ZNF140: variants seen among roughly 807,000 people sequenced by gnomAD.
ZNF140 encodes the protein zinc finger protein 140.
ZNF140 carries 13 observed loss-of-function variants against 12.9 expected under a neutral mutation model. The observed-to-expected ratio is 1.01, with a 90% CI of 0.66 to 1.60. The LOEUF (loss-of-function observed/expected upper bound fraction) is 1.60. ZNF140 is among the 40% of genes most tolerant of loss of function. The pLI is 0.00. For missense variants in ZNF140, 531 were observed against 548.8 expected (o/e 0.97, Z 0.32); for synonymous variants, 214 against 186.7 (o/e 1.15, Z -1.19).
At position 133,094,864 on chromosome 12, in the gene ZNF140, GT is replaced by G. The variant is rs1319866814; in HGVS notation, c.233-10643del. Among the ~76,000 whole-genome samples, 18 of 151,402 alleles carry G rather than the reference GT, an allele frequency of 1.2e-4. 1 individual carries two copies. Among genetic ancestry groups the G allele is most frequent in the African/African-American group, 3.9e-4 (16 of 40,976 alleles). On this transcript the variant is annotated intron_variant, in intron 4 of 4. Coordinates refer to ENST00000355557, the MANE Select transcript of ZNF140 (RefSeq NM_003440.4). ...TGGACTTTTTCCTTTTAATTTTAAT[GT>G]TTCAGGATATATTACCTCCTGTAAT...
chr12:133,092,016 C>G (rs2137523853), intron 4 of ZNF140, among the ~76,000 whole-genome samples: 1 of 151,154 alleles, frequency 6.6e-6, no homozygotes, highest in Non-Finnish European at 1.5e-5. Flanking sequence ...TGTCTAAGAT[C>G]ATTAATTTGA....
At chr12:133,102,480 C>G (rs1955381385) in intron 4 of ZNF140, among the ~76,000 whole-genome samples, 1 of 152,080 alleles carries the variant, frequency 6.6e-6, no homozygotes, top group African/African-American at 2.4e-5. Context: ...AATCCTAGCA[C>G]TTTGGGAGGC....
At chr12:133,083,756 G>C (rs1449426830) in intron 4 of ZNF140, among the ~76,000 whole-genome samples, 195 bp downstream of exon 4, 5 of 152,174 alleles carry the variant, frequency 3.3e-5, no homozygotes, top group African/African-American at 9.6e-5. Context: ...TCAGGAGATC[G>C]AGACCATCCT....
intron 4 of ZNF140, among the ~76,000 whole-genome samples, chr12:133,092,780 G>A (rs201346385): frequency 2.0e-5 from 3 of 151,140 alleles, no homozygotes; most frequent in East Asian, 1.9e-4. Context: ...GGCCTGGCCC[G>A]TACAATCATA....
At chr12:133,085,440 A>T (rs1233748371) in intron 4 of ZNF140, among the ~76,000 whole-genome samples, 1 of 152,260 alleles carries the variant, frequency 6.6e-6, no homozygotes, top group Non-Finnish European at 1.5e-5. Context: ...GCATGAACAT[A>T]CATGTACAGC....
chr12:133,105,494 T>C lies in ZNF140; in HGVS notation c.233-16T>C. The C allele has an allele frequency of 6.4e-7, 1 of 1,560,692 alleles. No individual in the cohort carries two copies. The highest frequency in any genetic ancestry group is 1.2e-5 in the South Asian group (1 of 82,108). On this transcript the variant is annotated splice_polypyrimidine_tract_variant and intron_variant, in intron 4 of 4. Transcript: ENST00000355557. The stretch of plus-strand genomic sequence containing the variant: ...CAGGAAAAAGAAACATTCACTTTTT[T>C]TTTGGTATCTTTCAGTTTCAGAGTC...
At chr12:133,081,737 T>A (rs1954511875) in intron 2 of ZNF140, 1 of 344,560 alleles carries the variant, frequency 2.9e-6, no homozygotes, top group Non-Finnish European at 5.8e-6. Flanking sequence ...CATCGCCTCC[T>A]CTTTCCCACA....
chr12:133,086,856 A>T (rs1364451141), intron 4 of ZNF140, among the ~76,000 whole-genome samples: 1 of 152,182 alleles, frequency 6.6e-6, no homozygotes, highest in Non-Finnish European at 1.5e-5. Flanking sequence ...CTGTATGGAG[A>T]TCCAGTTATC....
chr12:133,087,828 T>C (rs1473158462), intron 4 of ZNF140, among the ~76,000 whole-genome samples: 1 of 152,186 alleles, frequency 6.6e-6, no homozygotes, highest in Non-Finnish European at 1.5e-5. Context: ...TATCTCTTTA[T>C]CTTTATTATA....
intron 4 of ZNF140, among the ~76,000 whole-genome samples, chr12:133,091,093 AT>A (rs1954862905): frequency 1.3e-5 from 2 of 149,248 alleles, no homozygotes; most frequent in Non-Finnish European, 3.0e-5. Context: ...TTACTCATCC[AT>A]CTCAGCACAG....
upstream of ZNF140, chr12:133,080,768 G>A (rs1954441408): frequency 6.6e-6 from 1 of 152,422 alleles, no homozygotes; most frequent in South Asian, 2.0e-4. Flanking sequence ...GGGAGTTCCA[G>A]TAGGAACGAA....
intron 4 of ZNF140, among the ~76,000 whole-genome samples, chr12:133,101,592 T>C (rs1955351453): frequency 6.6e-6 from 1 of 151,948 alleles, no homozygotes; most frequent in Non-Finnish European, 1.5e-5. Flanking sequence ...CTACAGGCAG[T>C]CGCTACCACG....
At chr12:133,085,420 CAG>C (rs1196628353) in intron 4 of ZNF140, among the ~76,000 whole-genome samples, 4 of 152,146 alleles carry the variant, frequency 2.6e-5, no homozygotes, top group African/African-American at 4.8e-5. Context: ...CACACACAGA[CAG>C]AAGTAATGCA....
intron 4 of ZNF140, among the ~76,000 whole-genome samples, chr12:133,085,805 C>T (rs1344067240): frequency 1.3e-5 from 2 of 152,118 alleles, no homozygotes; most frequent in Non-Finnish European, 2.9e-5. Flanking sequence ...TCACTTGAGG[C>T]CAGGAGTTGA....
intron 4 of ZNF140, among the ~76,000 whole-genome samples, chr12:133,089,564 A>G (rs1954787908): frequency 6.6e-6 from 1 of 151,938 alleles, no homozygotes; most frequent in Admixed American, 6.6e-5. Flanking sequence ...TTTCCTCCTT[A>G]TTGTGTGAGC....
chr12:133,099,065 G>A (rs1169958978), intron 4 of ZNF140, among the ~76,000 whole-genome samples: 10 of 152,092 alleles, frequency 6.6e-5, no homozygotes, highest in Non-Finnish European at 1.0e-4. Flanking sequence ...TAGTAGAGAC[G>A]GGGTGTCACC....
At chr12:133,081,695 T>C in intron 2 of ZNF140, 1 of 398,852 alleles carries the variant, frequency 2.5e-6, no homozygotes, top group Non-Finnish European at 5.1e-6. Context: ...GCTGGCATGT[T>C]TTAGGGTGAG....
In ZNF140 at chr12:133,106,797, G is replaced by A; in HGVS notation, c.*146G>A. The A allele has an allele frequency of 4.6e-6, 3 of 645,742 alleles. No individual in the cohort carries two copies. Among genetic ancestry groups the A allele is most frequent in the African/African-American group, 1.9e-5 (1 of 52,768 alleles). 40.0% of individuals were successfully genotyped at this position (645,742 alleles called of 1,614,324 possible). ...GGCCCACACTTTATTCACCACCCTG[G>A]AGAAAAAAAAACCCAGGAATATGTG... On this transcript the variant is annotated 3_prime_UTR_variant, in exon 5 of 5. Transcript: ENST00000355557.
At position 133,106,697 on chromosome 12, in the gene ZNF140, AAG is replaced by A. The variant is rs1955613743; in HGVS notation, c.*48_*49del. 6.8e-7 allele frequency: 1 copy of A among 1,476,318 alleles called. No individual in the cohort carries two copies. The highest frequency in any genetic ancestry group is 9.0e-7 in the Non-Finnish European group (1 of 1,107,286). 91.5% of individuals were successfully genotyped at this position (1,476,318 alleles called of 1,614,324 possible). ...CTATGAATGTATGGAATTTTTTAAAAAGAAGTATAATGCCTTACTTCAGAGAA... is the reference window on the plus strand; with the variant it reads ...CTATGAATGTATGGAATTTTTTAAAAAAGTATAATGCCTTACTTCAGAGAA... On this transcript the variant is annotated 3_prime_UTR_variant, in exon 5 of 5. Coordinates refer to ENST00000355557, the MANE Select transcript of ZNF140 (RefSeq NM_003440.4).
Sources: gnomAD v4.1 joint callset for allele counts (sites outside exome capture counted in the v4.1 genomes callset) on GRCh38, gnomAD v4.1.1 for gene constraint, MANE v1.5 for transcripts, NCBI Gene and HGNC (gene_info 2026-07-23, HGNC 2026-07-21) for gene names.